Variants in FRMD3 observed in about 807,000 individuals in gnomAD.
FRMD3 encodes the protein FERM domain containing 3, also known as FERM domain-containing protein 3.
FRMD3 carries 33 observed loss-of-function variants against 70.2 expected under a neutral mutation model. The observed-to-expected ratio is 0.47, with a 90% CI of 0.36 to 0.63. The LOEUF is 0.63. FRMD3 is among the 20% of genes least tolerant of loss of function. The pLI, the probability that FRMD3 is intolerant of heterozygous loss-of-function variation, is 0.00. For synonymous variants in FRMD3, 279 were observed against 255.9 expected (o/e 1.09, Z -0.86); for missense variants, 632 against 711.4 (o/e 0.89, Z 1.27).
chr9:83,512,475 T>C (rs78636141), intron 1 of FRMD3, among the ~76,000 whole-genome samples: 2,858 of 152,282 alleles, frequency 0.019, 90 homozygotes, highest in African/African-American at 0.064. Context: ...ATAGTGTGTG[T>C]CTTGGGGCAT....
chr9:83,354,012 C>T (rs1037470554), intron 3 of FRMD3, among the ~76,000 whole-genome samples: 1 of 152,110 alleles, frequency 6.6e-6, no homozygotes, highest in African/African-American at 2.4e-5. Flanking sequence ...GCAACCTCCG[C>T]CTCTTGGGTT....
At position 83,326,974 on chromosome 9, in the gene FRMD3, C is replaced by T. The variant is rs534756492; in HGVS notation, c.596+8542G>A. ...TTTTATTGATCCTCCTTTAGCATAC[C>T]ATTACATACAGTACAAAACCAGATA... On this transcript the variant is annotated intron_variant, in intron 6 of 13. Coordinates refer to ENST00000304195, the MANE Select transcript of FRMD3 (RefSeq NM_174938.6). 9.2e-5 allele frequency among the ~76,000 whole-genome samples: 14 copies of T among 152,236 alleles called. No individual in the cohort carries two copies. The South Asian group carries it at 2.9e-3, about 32-fold the overall frequency.
intron 1 of FRMD3, among the ~76,000 whole-genome samples, chr9:83,421,941 C>A (rs1473696281): frequency 6.6e-6 from 1 of 151,906 alleles, no homozygotes. Context: ...ATTTTAGGGG[C>A]CAGCCAGGTG....
At chr9:83,581,867 G>A in the FRMD3 span, among the ~76,000 whole-genome samples, 2 of 152,174 alleles carry the variant, frequency 1.3e-5, no homozygotes, top group African/African-American at 4.8e-5. Context: ...TATGTGAAAT[G>A]TCCAAAATAG....
intron 1 of FRMD3, among the ~76,000 whole-genome samples, chr9:83,441,179 T>A (rs1290295769): frequency 6.6e-6 from 1 of 152,174 alleles, no homozygotes; most frequent in African/African-American, 2.4e-5. Flanking sequence ...TGTGAGGGGT[T>A]CTGGTCACTG....
chr9:83,332,754 C>A (rs1587735143), intron 6 of FRMD3, among the ~76,000 whole-genome samples: 1 of 152,142 alleles, frequency 6.6e-6, no homozygotes, highest in Non-Finnish European at 1.5e-5. Context: ...CCCTCAAACC[C>A]CAACAAAAGC....
intron 1 of FRMD3, among the ~76,000 whole-genome samples, chr9:83,460,628 T>G (rs1827942381): frequency 6.8e-6 from 1 of 147,356 alleles, no homozygotes; most frequent in Admixed American, 6.7e-5. Context: ...GTTTTCATTT[T>G]GTCTCATTTT....
In FRMD3 at chr9:83,538,185, T is replaced by C; in HGVS notation, c.47A>G (p.Lys16Arg). 1 of 1,606,348 alleles carries C rather than the reference T, an allele frequency of 6.2e-7. No individual in the cohort carries two copies. The change falls in exon 1 of 14, where the codon AAA becomes AGA. Residue 16 changes from lysine to arginine, a missense_variant. Coordinates refer to ENST00000304195, the MANE Select transcript of FRMD3 (RefSeq NM_174938.6). The surrounding 1 kb of genome is among the most constrained non-coding windows in gnomAD (Gnocchi z 4.7). ...HCVPRGRRTMKMIHFRSSSVK... is the reference protein window; with the variant it reads ...HCVPRGRRTMRMIHFRSSSVK... ...GCTGGAGCTCCGAAAGTGGATCATT[T>C]TCATGGTCCTCCTGCCTCTCGGCAC...
chr9:83,411,064 G>A (rs1435783025), intron 1 of FRMD3, among the ~76,000 whole-genome samples: 1 of 152,178 alleles, frequency 6.6e-6, no homozygotes, highest in Non-Finnish European at 1.5e-5. Context: ...GGGCAAGAGC[G>A]AAGATCCTCA....
chr9:83,257,642 C>G (rs985837439), intron 13 of FRMD3, among the ~76,000 whole-genome samples: 1 of 150,276 alleles, frequency 6.7e-6, no homozygotes, highest in African/African-American at 2.4e-5. Context: ...TAAAGCCAAA[C>G]TTCTCTCTTT....
chr9:83,551,373 T>C, the FRMD3 span, among the ~76,000 whole-genome samples: 1 of 152,220 alleles, frequency 6.6e-6, no homozygotes, highest in Non-Finnish European at 1.5e-5. Context: ...TGGATTTGGT[T>C]TGCAAGTATT....
intron 10 of FRMD3, among the ~76,000 whole-genome samples, chr9:83,299,821 C>T (rs566375599): frequency 6.6e-6 from 1 of 152,324 alleles, no homozygotes; most frequent in African/African-American, 2.4e-5. Flanking sequence ...CAGACAAGAA[C>T]TGATTCAGCA....
At chr9:83,559,081 T>C in the FRMD3 span, among the ~76,000 whole-genome samples, 1 of 152,196 alleles carries the variant, frequency 6.6e-6, no homozygotes, top group Admixed American at 6.5e-5. Context: ...TATATAAAGT[T>C]AGCTGATAAA....
chr9:83,581,267 A>G, the FRMD3 span, among the ~76,000 whole-genome samples: 1 of 152,232 alleles, frequency 6.6e-6, no homozygotes, highest in Non-Finnish European at 1.5e-5. Context: ...AACTCTTACA[A>G]CTCAATAATA....
chr9:83,342,814 A>G (rs1378516347), intron 5 of FRMD3, among the ~76,000 whole-genome samples: 2 of 152,118 alleles, frequency 1.3e-5, no homozygotes, highest in African/African-American at 2.4e-5. Flanking sequence ...TCCCCTCTCA[A>G]TATGTCCATT....
At chr9:83,411,338 G>A (rs777799808) in intron 1 of FRMD3, among the ~76,000 whole-genome samples, 18 of 152,214 alleles carry the variant, frequency 1.2e-4, no homozygotes, top group Non-Finnish European at 2.5e-4. Flanking sequence ...ATCTTAATGT[G>A]TAAGTCAGTC....
At chr9:83,414,865 A>C (rs529792545) in intron 1 of FRMD3, among the ~76,000 whole-genome samples, 1 of 152,346 alleles carries the variant, frequency 6.6e-6, no homozygotes, top group East Asian at 1.9e-4. Flanking sequence ...CAGAGTCCCA[A>C]CAGAAGGAAG....
At chr9:83,268,769 A>G (rs752238403) in intron 13 of FRMD3, among the ~76,000 whole-genome samples, 1 of 152,128 alleles carries the variant, frequency 6.6e-6, no homozygotes, top group Non-Finnish European at 1.5e-5. Context: ...AGGGACCTCA[A>G]TGGGCCCCCC....
At chr9:83,452,935 G>A (rs959697863) in intron 1 of FRMD3, among the ~76,000 whole-genome samples, 4 of 137,464 alleles carry the variant, frequency 2.9e-5, no homozygotes, top group African/African-American at 1.1e-4. Context: ...GCTCACTGCA[G>A]CCTCCGCCTC....
Sources: gnomAD v4.1 joint callset for allele counts (sites outside exome capture counted in the v4.1 genomes callset) on GRCh38, gnomAD v4.1.1 for gene constraint, Gnocchi (gnomAD v3.1) non-coding constraint, MANE v1.5 for transcripts, NCBI Gene and HGNC (gene_info 2026-07-23, HGNC 2026-07-21) for gene names.